ARHGEF10L: variants seen among roughly 807,000 people sequenced by gnomAD.
ARHGEF10L encodes rho guanine nucleotide exchange factor 10-like protein.
A neutral mutation model predicts 141.2 loss-of-function variants in ARHGEF10L; 69 were observed. That is an observed-to-expected ratio of 0.49 (90% CI 0.40 to 0.60). The LOEUF is 0.60. ARHGEF10L is among the 20% of genes least tolerant of loss of function. ARHGEF10L has a pLI of 0.00. For synonymous variants in ARHGEF10L, 711 were observed against 718.5 expected (o/e 0.99, Z 0.17); for missense variants, 1,482 against 1,734.3 (o/e 0.85, Z 2.58).
chr1:17,634,656 C>T (rs777668936), intron 17 of ARHGEF10L, 94 bp downstream of exon 17: 28 of 1,540,232 alleles, frequency 1.8e-5, no homozygotes, highest in Non-Finnish European at 2.5e-5. Context: ...GGCCTGGGCG[C>T]CTGGTGCTTC....
At chr1:17,696,184 G>GC (rs2065482817) in intron 28 of ARHGEF10L, among the ~76,000 whole-genome samples, 2 of 146,032 alleles carry the variant, frequency 1.4e-5, no homozygotes, top group African/African-American at 5.1e-5. Context: ...TTGCACTCCA[G>GC]CCTGGGGGAC....
At chr1:17,613,276 GC>G in intron 8 of ARHGEF10L, 102 bp downstream of exon 8, 2 of 959,004 alleles carry the variant, frequency 2.1e-6, no homozygotes, top group Non-Finnish European at 3.3e-6. Flanking sequence ...AGCCTACCAG[GC>G]CCACCCTTGA....
At chr1:17,668,721 G>A (rs1036614514) in intron 26 of ARHGEF10L, among the ~76,000 whole-genome samples, 4 of 152,226 alleles carry the variant, frequency 2.6e-5, no homozygotes, top group African/African-American at 7.2e-5. Context: ...AAATGGAAAA[G>A]TTTCTGTTCG....
At chr1:17,676,132 GGGTGCAGGTGTA>G (rs1210286851) in intron 26 of ARHGEF10L, among the ~76,000 whole-genome samples, 2 of 149,308 alleles carry the variant, frequency 1.3e-5, no homozygotes, top group South Asian at 2.2e-4. Flanking sequence ...GTGCAGGCGT[GGGTGCAGGTGTA>G]GGTGCAGGTG....
chr1:17,692,309 G>C (rs750605943), intron 27 of ARHGEF10L, among the ~76,000 whole-genome samples: 5 of 151,962 alleles, frequency 3.3e-5, no homozygotes, highest in Non-Finnish European at 5.9e-5. Context: ...GTGATTTTTT[G>C]AGTTTGCATC....
At chr1:17,612,104 C>G (rs1557820461) in intron 7 of ARHGEF10L, among the ~76,000 whole-genome samples, 1 of 152,188 alleles carries the variant, frequency 6.6e-6, no homozygotes, top group East Asian at 1.9e-4. Context: ...TCCATTCATT[C>G]TCCAGCAGTG....
In ARHGEF10L at chr1:17,656,735, G is replaced by T; in HGVS notation, c.2860+27G>T. The T allele has an allele frequency of 6.2e-7, 1 of 1,602,076 alleles. No individual in the cohort carries two copies. The highest frequency in any genetic ancestry group is 8.5e-7 in the Non-Finnish European group (1 of 1,173,012). ...TGAGGACTGGGGGGAATGGGGGAAG[G>T]GGGGCAGTCCTGGATGCCAGCTGGG... On this transcript the variant is annotated intron_variant, in intron 25 of 28. Coordinates refer to ENST00000361221, the MANE Select transcript of ARHGEF10L (RefSeq NM_018125.4). This position sits in a 1 kb window ranked among gnomAD's most constrained non-coding sequence, Gnocchi z 4.9.
At chr1:17,640,452 C>T (rs1032293074) in intron 21 of ARHGEF10L, 150 bp downstream of exon 21, 2 of 656,096 alleles carry the variant, frequency 3.0e-6, no homozygotes, top group Non-Finnish European at 5.1e-6. Flanking sequence ...GGAGAAACAG[C>T]TGGGGCCAGA....
At chr1:17,665,611 G>C (rs1257770761) in intron 26 of ARHGEF10L, among the ~76,000 whole-genome samples, 1 of 152,208 alleles carries the variant, frequency 6.6e-6, no homozygotes, top group African/African-American at 2.4e-5. Context: ...ACATCTGGGC[G>C]CCTCTGTGCT....
Position 17,602,153 on chromosome 1 carries a change from A to T in ARHGEF10L, c.284A>T (p.Asp95Val), listed in dbSNP as rs1190268596. The T allele has an allele frequency of 1.9e-6, 3 of 1,580,324 alleles. No individual in the cohort carries two copies. The highest frequency in any genetic ancestry group is 8.6e-7 in the Non-Finnish European group (1 of 1,162,960). Residue 95 changes from aspartate to valine, a missense_variant, in exon 5 of 29, where the codon GAT (aspartate) becomes GTT (valine). Asp to Val is a radical substitution (Grantham distance 152, BLOSUM62 -3). This residue lies in a region of ARHGEF10L where 232 missense variants were observed against 225.9 expected (regional missense o/e 1.03). Transcript: ENST00000361221. ...TGVPAWVSNG[D>V]AADAAFSGAR... Reference sequence around the variant, plus strand: ...GTGCCAGCCTGGGTGAGCAATGGGGATGCAGCGGACGCAGCCTTCTCCGGG... The same window carrying T: ...GTGCCAGCCTGGGTGAGCAATGGGGTTGCAGCGGACGCAGCCTTCTCCGGG...
intron 7 of ARHGEF10L, among the ~76,000 whole-genome samples, chr1:17,611,651 A>G (rs2059556598): frequency 6.6e-6 from 1 of 152,002 alleles, no homozygotes; most frequent in African/African-American, 2.4e-5. Context: ...CCATTTTTTG[A>G]ATACTTAATA....
rs1360074316 is a variant in ARHGEF10L at position 17,558,100 on chromosome 1, G to A, written c.-44+18150G>A. On this transcript the variant is annotated intron_variant, in intron 1 of 28. Transcript: ENST00000361221. The surrounding 1 kb of genome is among the most constrained non-coding windows in gnomAD (Gnocchi z 4.2). ...TGTCCATCTGTCCATCTGTCTACCCGTTTGTCCATTGTCCATCCATCCATC... is the reference window on the plus strand; with the variant it reads ...TGTCCATCTGTCCATCTGTCTACCCATTTGTCCATTGTCCATCCATCCATC... 1.3e-5 allele frequency among the ~76,000 whole-genome samples: 2 copies of A among 151,488 alleles called. No individual in the cohort carries two copies. Among genetic ancestry groups the A allele is most frequent in the Non-Finnish European group, 1.5e-5 (1 of 67,942 alleles).
intron 1 of ARHGEF10L, among the ~76,000 whole-genome samples, chr1:17,564,416 A>G (rs968537304): frequency 2.0e-5 from 3 of 152,148 alleles, no homozygotes; most frequent in South Asian, 2.1e-4. Context: ...GAGTCCCCCA[A>G]GTTCTCCTCC....
At chr1:17,534,581 C>A in the ARHGEF10L span, among the ~76,000 whole-genome samples, 13 of 149,932 alleles carry the variant, frequency 8.7e-5, no homozygotes, top group Admixed American at 3.3e-4. Flanking sequence ...CCTGGCCCAC[C>A]CATTTTCTGA....
At chr1:17,579,921 C>G (rs1008655667) in intron 1 of ARHGEF10L, among the ~76,000 whole-genome samples, 4 of 152,234 alleles carry the variant, frequency 2.6e-5, no homozygotes, top group African/African-American at 9.6e-5. Flanking sequence ...CCAGGAGGAA[C>G]TGTGCCCCCA....
intron 25 of ARHGEF10L, among the ~76,000 whole-genome samples, chr1:17,660,470 G>A (rs941926353): frequency 6.6e-6 from 1 of 152,226 alleles, no homozygotes; most frequent in African/African-American, 2.4e-5. Context: ...CCGCGACACA[G>A]CCTGGAGGAT....
intron 1 of ARHGEF10L, among the ~76,000 whole-genome samples, chr1:17,549,681 G>A (rs1040714871): frequency 1.3e-5 from 2 of 152,104 alleles, no homozygotes; most frequent in African/African-American, 4.8e-5. Context: ...ATGTTAGTTA[G>A]GACTGTTACT....
Position 17,623,137 on chromosome 1 carries a change from G to A in ARHGEF10L, c.1162G>A (p.Asp388Asn). The A allele has an allele frequency of 4.3e-6, 7 of 1,614,006 alleles. No homozygotes were observed. The highest frequency in any genetic ancestry group is 5.9e-6 in the Non-Finnish European group (7 of 1,179,954). ...CCTGTCCTCCCGCGTGGCTGAGTGG[G>A]ATTCCACCGAGAAGATCGGGGACCT... ...IALSSRVAEWDSTEKIGDLFV... is the reference protein window; with the variant it reads ...IALSSRVAEWNSTEKIGDLFV... Residue 388 changes from aspartate to asparagine, a missense_variant, in exon 12 of 29, where the codon GAT becomes AAT. This residue lies in a region of ARHGEF10L where 392 missense variants were observed against 542.1 expected (regional missense o/e 0.72). Coordinates refer to ENST00000361221, the MANE Select transcript of ARHGEF10L (RefSeq NM_018125.4). The surrounding 1 kb of genome is among the most constrained non-coding windows in gnomAD (Gnocchi z 4.7).
intron 12 of ARHGEF10L, 97 bp from the exon 13 acceptor site, chr1:17,624,290 C>T: frequency 1.1e-6 from 1 of 924,098 alleles, no homozygotes. Context: ...CCTTCTGCTC[C>T]CTGCCTTGAG....
Sources: allele counts gnomAD v4.1 joint callset (sites outside exome capture counted in the v4.1 genomes callset), GRCh38; gene constraint gnomAD v4.1.1; regional missense constraint gnomAD v4.1.1; non-coding constraint Gnocchi (gnomAD v3.1); transcripts MANE v1.5; gene names NCBI Gene and HGNC (gene_info 2026-07-23, HGNC 2026-07-21).